The following PHF3 variants were observed in gnomAD, a reference collection of about 807,000 sequenced individuals.
The protein encoded by PHF3 is PHD finger protein 3.
A neutral mutation model predicts 178.4 loss-of-function variants in PHF3; 41 were observed. The ratio of observed to expected loss-of-function variants is 0.23; its 90% CI spans 0.18 to 0.30. The LOEUF (loss-of-function observed/expected upper bound fraction) is 0.30. PHF3 is among the 10% of genes least tolerant of loss of function. PHF3 has a pLI of 1.00. For missense variants in PHF3, 2,346 were observed against 2,398.1 expected (o/e 0.98, Z 0.45); for synonymous variants, 842 against 800.5 (o/e 1.05, Z -0.88).
intron 4 of PHF3, among the ~76,000 whole-genome samples, chr6:63,688,476 C>T (rs751535066): frequency 1.3e-5 from 2 of 149,612 alleles, no homozygotes; most frequent in South Asian, 2.2e-4. Context: ...GCTGGGATTA[C>T]GGGCAAATGC....
chr6:63,689,927 C>T (rs1766922862), intron 4 of PHF3, among the ~76,000 whole-genome samples: 1 of 152,134 alleles, frequency 6.6e-6, no homozygotes, highest in South Asian at 2.1e-4. Flanking sequence ...AAAGGGAAAT[C>T]ATTAGCTTTC....
Position 63,711,670 on chromosome 6 carries a change from C to T in PHF3, c.4082C>T (p.Thr1361Ile). Residue 1361 changes from threonine (T) to isoleucine (I), a missense_variant, in exon 16 of 16, where the codon ACT (threonine) becomes ATT (isoleucine). Physicochemically the swap from Thr to Ile is moderately conservative, Grantham distance 89. Transcript: ENST00000262043. Reference sequence around the variant, plus strand: ...CGACAGCACAGTGCCTGTGCTAGTACTAGTCATATAGCTGAGACTCCTGAA... The same window carrying T: ...CGACAGCACAGTGCCTGTGCTAGTATTAGTCATATAGCTGAGACTCCTGAA... The part of the protein sequence containing the change: ...LKRQHSACAS[T>I]SHIAETPESA... 1 of 1,613,686 alleles carries T rather than the reference C, an allele frequency of 6.2e-7. No homozygotes were observed. Among genetic ancestry groups the T allele is most frequent in the Non-Finnish European group, 8.5e-7 (1 of 1,179,760 alleles).
At position 63,704,115 on chromosome 6, in the gene PHF3, A is replaced by C. The variant is rs145490154; in HGVS notation, c.3367+444A>C. On this transcript the variant is annotated intron_variant, in intron 11 of 15. Coordinates refer to ENST00000262043, the MANE Select transcript of PHF3 (RefSeq NM_001370348.2). The stretch of plus-strand genomic sequence containing the variant: ...TTAAGAGCACTTTTAGGTTCATAGC[A>C]AAATTGGGAGGAAGTTACAGAGATT... 6.2e-3 allele frequency among the ~76,000 whole-genome samples: 944 copies of C among 152,316 alleles called. 9 individuals are homozygous for C. The highest frequency in any genetic ancestry group is 0.021 in the African/African-American group (868 of 41,562).
At chr6:63,636,898 G>GA (rs1764365756) in intron 1 of PHF3, 1 of 152,198 alleles carries the variant, frequency 6.6e-6, no homozygotes, top group Admixed American at 6.5e-5. Flanking sequence ...GAAAGGAAGA[G>GA]AATGTTGATA....
chr6:63,650,925 T>C (rs1764992017), intron 2 of PHF3, among the ~76,000 whole-genome samples: 1 of 152,172 alleles, frequency 6.6e-6, no homozygotes, highest in Non-Finnish European at 1.5e-5. Flanking sequence ...TCTTGGGGGT[T>C]GGTGGGGCTA....
At chr6:63,666,676 G>A (rs1409539613) in intron 2 of PHF3, among the ~76,000 whole-genome samples, 1 of 151,326 alleles carries the variant, frequency 6.6e-6, no homozygotes, top group African/African-American at 2.4e-5. Context: ...GTAAATAGTT[G>A]TGGTGAAGTA....
chr6:63,639,905 A>T (rs942171736), intron 1 of PHF3, among the ~76,000 whole-genome samples: 3 of 152,168 alleles, frequency 2.0e-5, no homozygotes, highest in Non-Finnish European at 2.9e-5. Context: ...GTCAGTTATG[A>T]TATAATGCCA....
intron 2 of PHF3, among the ~76,000 whole-genome samples, chr6:63,651,710 T>TCCTTCC: frequency 6.6e-6 from 1 of 152,118 alleles, no homozygotes; most frequent in East Asian, 1.9e-4. Flanking sequence ...TTCCCCCTGC[T>TCCTTCC]CCTTCCCCTT....
Position 63,706,084 on chromosome 6 carries a change from A to G in PHF3, c.3423A>G (p.Val1141=), listed in dbSNP as rs2051518491. The G allele has an allele frequency of 1.9e-6, 3 of 1,613,908 alleles. No individual in the cohort carries two copies. The highest frequency in any genetic ancestry group is 2.5e-6 in the Non-Finnish European group (3 of 1,179,916). ...DLSPKKVKVV[V]GVARKHSDNE... ...CTCCAAAAAAAGTAAAAGTTGTTGT[A>G]GGAGTAGCTCGCAAACATTCAGACA... The change falls in exon 12 of 16, where the codon GTA becomes GTG. Residue 1141 remains valine, a synonymous_variant. Coordinates refer to ENST00000262043, the MANE Select transcript of PHF3 (RefSeq NM_001370348.2).
rs939468427 is a variant in PHF3 at position 63,696,247 on chromosome 6, T to G, written c.2680+1483T>G. On this transcript the variant is annotated intron_variant, in intron 6 of 15. Coordinates refer to ENST00000262043, the MANE Select transcript of PHF3 (RefSeq NM_001370348.2). ...TCAACCTGTATTTAAAATCATGGGCTTAGATATAAATAGCTACAGGAGAGT... is the reference window on the plus strand; with the variant it reads ...TCAACCTGTATTTAAAATCATGGGCGTAGATATAAATAGCTACAGGAGAGT... Among the ~76,000 whole-genome samples, 5 of 152,204 alleles carry G rather than the reference T, an allele frequency of 3.3e-5. 1 individual carries two copies. Among genetic ancestry groups the G allele is most frequent in the Admixed American group, 6.5e-5 (1 of 15,282 alleles).
intron 5 of PHF3, among the ~76,000 whole-genome samples, chr6:63,694,147 A>T (rs1292170049): frequency 6.6e-6 from 1 of 152,214 alleles, no homozygotes; most frequent in Non-Finnish European, 1.5e-5. Flanking sequence ...TGTGGATTAT[A>T]ATTAGAACCA....
rs1159645190 is a variant in PHF3, at chr6:63,715,092, CT to C, written c.*1385del. On this transcript the variant is annotated 3_prime_UTR_variant, in exon 16 of 16. Transcript: ENST00000262043. Reference sequence around the variant, plus strand: ...TAATTCCACAAAATTGATTGTTTTCCTAAAGAGCTTAAAGATTAGAGTTAAA... The same window carrying C: ...TAATTCCACAAAATTGATTGTTTTCCAAAGAGCTTAAAGATTAGAGTTAAA... 4.6e-5 allele frequency: 7 copies of C among 151,958 alleles called. No individual in the cohort carries two copies. The highest frequency in any genetic ancestry group is 4.6e-4 in the Admixed American group (7 of 15,250). 9.4% of individuals were successfully genotyped at this position (151,958 alleles called of 1,614,324 possible).
At position 63,713,507 on chromosome 6, in the gene PHF3, G is replaced by T. The variant is rs770343514; in HGVS notation, c.5919G>T (p.Arg1973=). Residue 1973 remains arginine (R), a synonymous_variant, in exon 16 of 16, where the codon CGG becomes CGT. Coordinates refer to ENST00000262043, the MANE Select transcript of PHF3 (RefSeq NM_001370348.2). The part of the protein sequence containing the change: ...EEGHKDKERA[R]LSHGDRGTDG... ...GGCACAAAGATAAAGAGAGGGCACG[G>T]TTATCACATGGTGATCGAGGAACAG... 3 of 1,613,652 alleles carry T rather than the reference G, an allele frequency of 1.9e-6. No individual in the cohort carries two copies. Among genetic ancestry groups the T allele is most frequent in the Non-Finnish European group, 2.5e-6 (3 of 1,179,934 alleles).
Position 63,703,589 on chromosome 6 carries a change from A to G in PHF3, c.3285A>G (p.Lys1095=). ...AGCCAGAAGGATCTGAAAAACAAAA[A>G]GAGGAGGTTGACTCTATGTCTAAAG... is the stretch of plus-strand genomic sequence containing the variant. The part of the protein sequence containing the change: ...LEKPEGSEKQ[K]EEVDSMSKDT... The change falls in exon 11 of 16, where the codon AAA becomes AAG. Residue 1095 remains lysine, a synonymous_variant. Transcript: ENST00000262043. The G allele has an allele frequency of 1.9e-6, 3 of 1,613,244 alleles. No individual in the cohort carries two copies. The highest frequency in any genetic ancestry group is 2.5e-6 in the Non-Finnish European group (3 of 1,179,704).
chr6:63,637,206 A>C (rs535690179), intron 1 of PHF3, among the ~76,000 whole-genome samples: 1 of 152,328 alleles, frequency 6.6e-6, no homozygotes, highest in South Asian at 2.1e-4. Flanking sequence ...AGCTAAATTT[A>C]AAAACCAATG....
intron 1 of PHF3, among the ~76,000 whole-genome samples, chr6:63,645,011 A>T (rs547672228): frequency 6.6e-6 from 1 of 151,442 alleles, no homozygotes; most frequent in Non-Finnish European, 1.5e-5. Flanking sequence ...CGCCCGAGTG[A>T]CTGGGTCTAC....
intron 5 of PHF3, among the ~76,000 whole-genome samples, chr6:63,693,911 T>G (rs553617509): frequency 5.3e-5 from 8 of 152,348 alleles, no homozygotes; most frequent in Middle Eastern, 3.4e-3. Flanking sequence ...TTGAAGTATA[T>G]TCCTGCTCTC....
intron 3 of PHF3, among the ~76,000 whole-genome samples, chr6:63,683,498 T>C (rs1441678984): frequency 6.6e-6 from 1 of 152,102 alleles, no homozygotes; most frequent in Admixed American, 6.5e-5. Flanking sequence ...TTGGTTTAAG[T>C]CTTTTAAATT....
intron 2 of PHF3, among the ~76,000 whole-genome samples, chr6:63,670,487 C>T (rs1765868720): frequency 6.6e-6 from 1 of 152,064 alleles, no homozygotes; most frequent in African/African-American, 2.4e-5. Flanking sequence ...CCAGGATGGT[C>T]TCGTTAGCCA....
Sources: allele counts gnomAD v4.1 joint callset (sites outside exome capture counted in the v4.1 genomes callset), GRCh38; gene constraint gnomAD v4.1.1; transcripts MANE v1.5; gene names NCBI Gene and HGNC (gene_info 2026-07-23, HGNC 2026-07-21).